The following FANCB variants were observed in gnomAD, a reference collection of about 807,000 sequenced individuals.
The protein encoded by FANCB is FA complementation group B.
FANCB carries 5 observed loss-of-function variants against 38.9 expected under a neutral mutation model. The ratio of observed to expected loss-of-function variants is 0.13; its 90% confidence interval spans 0.07 to 0.27. The LOEUF (loss-of-function observed/expected upper bound fraction) is 0.27, where lower values mean the gene tolerates loss of function less well. Ranked by LOEUF, FANCB falls within the 10% of genes least tolerant of loss-of-function variation. The probability of loss-of-function intolerance (pLI) is 1.00; values close to 1 mark genes in which losing one functional copy is unlikely to be tolerated. For synonymous variants in FANCB, 236 were observed against 215.4 expected (o/e 1.10, Z -0.84); for missense variants, 573 against 602.7 (o/e 0.95, Z 0.52).
the FANCB span, among the ~76,000 whole-genome samples, chrX:14,774,919 G>A: frequency 1.8e-5 from 2 of 110,718 alleles, no homozygotes; most frequent in Non-Finnish European, 3.8e-5. Flanking sequence ...TGCAAGCTCC[G>A]CCTCCCGGGT....
chrX:14,716,887 C>T, the FANCB span, among the ~76,000 whole-genome samples: 9 of 111,384 alleles, frequency 8.1e-5, no homozygotes, highest in Admixed American at 6.7e-4. Context: ...ATTTGCACAT[C>T]GCCTTGTATG....
At chrX:14,753,053 TACATA>T in the FANCB span, among the ~76,000 whole-genome samples, 1 of 107,032 alleles carries the variant, frequency 9.3e-6, no homozygotes, top group Non-Finnish European at 1.9e-5. Context: ...ATTGAGAGAT[TACATA>T]AATCATGCCA....
At chrX:14,871,910 G>A (rs2092499810) in intron 1 of FANCB, among the ~76,000 whole-genome samples, 1 of 108,059 alleles carries the variant, frequency 9.3e-6, no homozygotes, top group African/African-American at 3.4e-5. Flanking sequence ...ACATCCTTAT[G>A]ACATAGGCAC....
chrX:14,759,197 A>G, the FANCB span, among the ~76,000 whole-genome samples: 1 of 111,903 alleles, frequency 8.9e-6, no homozygotes, highest in African/African-American at 3.2e-5. Flanking sequence ...AAAAATGAAC[A>G]AAGTCTCCAA....
chrX:14,839,384 A>C (rs996425671), downstream of FANCB, among the ~76,000 whole-genome samples: 15 of 111,424 alleles, frequency 1.3e-4, no homozygotes, highest in East Asian at 5.6e-4. Flanking sequence ...TAAGAAACAC[A>C]CTAGACAGAT....
the FANCB span, among the ~76,000 whole-genome samples, chrX:14,823,624 T>G: frequency 4.5e-5 from 5 of 112,106 alleles, no homozygotes; most frequent in African/African-American, 1.6e-4. Context: ...TCTTTTCAAC[T>G]AATTATATTT....
the FANCB span, among the ~76,000 whole-genome samples, chrX:14,743,357 G>A: frequency 9.0e-6 from 1 of 111,551 alleles, no homozygotes; most frequent in East Asian, 2.8e-4. Context: ...CTGGGGCACA[G>A]GGAGGCTAAG....
the FANCB span, among the ~76,000 whole-genome samples, chrX:14,736,478 T>C: frequency 9.0e-6 from 1 of 111,679 alleles, no homozygotes; most frequent in Non-Finnish European, 1.9e-5. Flanking sequence ...ACAGCTTCTG[T>C]TGACTAGGGG....
the FANCB span, among the ~76,000 whole-genome samples, chrX:14,709,465 G>A: frequency 1.3e-4 from 15 of 111,929 alleles, 1 homozygote; most frequent in South Asian, 5.6e-3. Flanking sequence ...TCTGGTAACC[G>A]TAATAATGAA....
downstream of FANCB, among the ~76,000 whole-genome samples, chrX:14,841,675 G>T (rs1206594718): frequency 2.7e-5 from 3 of 111,947 alleles, no homozygotes; most frequent in Non-Finnish European, 5.6e-5. Context: ...TGGGAGGACT[G>T]TGTTTTTGAG....
chrX:14,770,685 G>C, the FANCB span, among the ~76,000 whole-genome samples: 1 of 111,827 alleles, frequency 8.9e-6, no homozygotes, highest in African/African-American at 3.3e-5. Flanking sequence ...TGTGATGCTA[G>C]CTGGTTATTT....
the FANCB span, among the ~76,000 whole-genome samples, chrX:14,703,413 A>G: frequency 1.8e-5 from 2 of 111,276 alleles, no homozygotes; most frequent in African/African-American, 6.5e-5. Context: ...TGCCATGTGT[A>G]CCTCTGACCA....
chrX:14,736,491 G>A, the FANCB span, among the ~76,000 whole-genome samples: 1 of 111,508 alleles, frequency 9.0e-6, no homozygotes, highest in Non-Finnish European at 1.9e-5. Context: ...ACTAGGGGAG[G>A]GAGTTCCCCG....
At chrX:14,818,221 G>T in the FANCB span, among the ~76,000 whole-genome samples, 1 of 109,774 alleles carries the variant, frequency 9.1e-6, no homozygotes, top group Non-Finnish European at 1.9e-5. Context: ...GCTATGGAAA[G>T]CAGTAGGGAG....
the FANCB span, among the ~76,000 whole-genome samples, chrX:14,726,267 A>G: frequency 8.0e-5 from 9 of 112,204 alleles, no homozygotes; most frequent in South Asian, 3.3e-3. Context: ...TTATTATAAC[A>G]CAAAAAAATT....
At chrX:14,824,284 G>A in the FANCB span, among the ~76,000 whole-genome samples, 4 of 111,426 alleles carry the variant, frequency 3.6e-5, no homozygotes, top group African/African-American at 6.5e-5. Flanking sequence ...CTTGGGGTAC[G>A]CTTAACTTAT....
At chrX:14,816,952 G>T in the FANCB span, among the ~76,000 whole-genome samples, 2 of 111,839 alleles carry the variant, frequency 1.8e-5, no homozygotes, top group Non-Finnish European at 3.8e-5. Flanking sequence ...CTTATTGTAA[G>T]AATTAAATGA....
the FANCB span, among the ~76,000 whole-genome samples, chrX:14,736,833 G>A: frequency 4.0e-3 from 449 of 111,820 alleles, 1 homozygote; most frequent in African/African-American, 0.011. Flanking sequence ...TGTTTTTCTC[G>A]TTGTAGAAAT....
At chrX:14,796,154 A>G in the FANCB span, among the ~76,000 whole-genome samples, 1 of 111,161 alleles carries the variant, frequency 9.0e-6, no homozygotes, top group African/African-American at 3.3e-5. Flanking sequence ...AACAATGAGC[A>G]CTTACTGTCT....
Sources: allele counts gnomAD v4.1 joint callset (sites outside exome capture counted in the v4.1 genomes callset), GRCh38; gene constraint gnomAD v4.1.1; transcripts MANE v1.5; gene names NCBI Gene and HGNC (gene_info 2026-07-23, HGNC 2026-07-21).